ASXL3: variants seen among roughly 807,000 people sequenced by gnomAD.
ASXL3 encodes the protein ASXL transcriptional regulator 3, also known as putative Polycomb group protein ASXL3.
A neutral mutation model predicts 170.6 loss-of-function variants in ASXL3; 34 were observed. The ratio of observed to expected loss-of-function variants is 0.20; its 90% CI spans 0.15 to 0.27. The LOEUF (loss-of-function observed/expected upper bound fraction) is 0.27, where lower values mean the gene tolerates loss of function less well. Ranked by LOEUF, ASXL3 falls within the 10% of genes least tolerant of loss-of-function variation. The pLI is 1.00. For synonymous variants in ASXL3, 1,002 were observed against 989.1 expected (o/e 1.01, Z -0.24); for missense variants, 2,592 against 2,695.3 (o/e 0.96, Z 0.85).
At chr18:33,617,989 C>T (rs550312373) in intron 2 of ASXL3, among the ~76,000 whole-genome samples, 2 of 152,044 alleles carry the variant, frequency 1.3e-5, no homozygotes, top group African/African-American at 2.4e-5. Context: ...AATTGCCACA[C>T]GCCTGAATGA....
chr18:33,615,137 T>A (rs2065403052), intron 2 of ASXL3, among the ~76,000 whole-genome samples: 1 of 152,132 alleles, frequency 6.6e-6, no homozygotes, highest in African/African-American at 2.4e-5. Flanking sequence ...GAAGGCTGTT[T>A]TGTCTACATA....
chr18:33,597,826 A>G (rs2065144260), intron 1 of ASXL3, among the ~76,000 whole-genome samples: 1 of 152,050 alleles, frequency 6.6e-6, no homozygotes, highest in Admixed American at 6.6e-5. Flanking sequence ...CAAAAAACAA[A>G]CAAAACAAAT....
intron 8 of ASXL3, among the ~76,000 whole-genome samples, chr18:33,724,675 A>AGAT (rs2067318096): frequency 6.6e-6 from 1 of 152,296 alleles, no homozygotes; most frequent in East Asian, 1.9e-4. Flanking sequence ...TTAGCATATT[A>AGAT]GATAATACAG....
At position 33,661,721 on chromosome 18, in the gene ASXL3, A is replaced by G. The variant is rs571504715; in HGVS notation, c.461A>G (p.Lys154Arg). The G allele has an allele frequency of 1.9e-6, 3 of 1,612,904 alleles. No individual in the cohort carries two copies. Among genetic ancestry groups the G allele is most frequent in the African/African-American group, 1.3e-5 (1 of 74,990 alleles). ...GTGTCTTCCTTCCAGCAGCACACCA[A>G]AAAGGCTCTTAAACAGGTAAGATAG... is the stretch of plus-strand genomic sequence containing the variant. ...KLVSSFQQHT[K>R]KALKQALRQQ... The change falls in exon 5 of 12, where the codon AAA (lysine) becomes AGA (arginine). Residue 154 changes from lysine (K) to arginine (R), a missense_variant. Lys to Arg is a conservative substitution (Grantham distance 26, BLOSUM62 2). This residue lies in a region of ASXL3 where 251 missense variants were observed against 281.9 expected (regional missense o/e 0.89). Coordinates refer to ENST00000269197, the MANE Select transcript of ASXL3 (RefSeq NM_030632.3).
intron 7 of ASXL3, among the ~76,000 whole-genome samples, chr18:33,676,218 G>A (rs924301627): frequency 6.3e-4 from 21 of 33,540 alleles, no homozygotes; most frequent in African/African-American, 1.6e-3. Context: ...GCGAGACTCC[G>A]TCTCAAAAAA....
chr18:33,582,738 G>GTGTT (rs2065004536), intron 1 of ASXL3, among the ~76,000 whole-genome samples: 2 of 136,826 alleles, frequency 1.5e-5, no homozygotes, highest in African/African-American at 5.9e-5. Context: ...GTGTGTGTGT[G>GTGTT]TGTTTTCTTG....
At position 33,750,756 on chromosome 18, in the gene ASXL3, C is replaced by T. The variant is rs2067872293; in HGVS notation, c.*4161C>T. 1 of 152,294 alleles carries T rather than the reference C, an allele frequency of 6.6e-6. No individual in the cohort carries two copies. The highest frequency in any genetic ancestry group is 2.1e-4 in the South Asian group (1 of 4,828). The allele number at this position is 152,294 out of a possible 1,614,324, so 9.4% of individuals were successfully genotyped here. A position where few individuals can be genotyped will look rare whatever the true frequency, so the allele number is the denominator to read the frequency against. Reference sequence around the variant, plus strand: ...AACCTACATAGACATTTTATATCAGCATACAGAAAAGTAAAATCCTCCTTC... The same window carrying T: ...AACCTACATAGACATTTTATATCAGTATACAGAAAAGTAAAATCCTCCTTC... On this transcript the variant is annotated 3_prime_UTR_variant, in exon 12 of 12. Coordinates refer to ENST00000269197, the MANE Select transcript of ASXL3 (RefSeq NM_030632.3).
At chr18:33,632,049 A>T (rs577930054) in intron 2 of ASXL3, among the ~76,000 whole-genome samples, 2 of 152,170 alleles carry the variant, frequency 1.3e-5, no homozygotes, top group South Asian at 4.1e-4. Context: ...CTTTTCTTCA[A>T]TTTGCATTTA....
At chr18:33,597,680 C>G (rs1481725159) in intron 1 of ASXL3, among the ~76,000 whole-genome samples, 1 of 151,750 alleles carries the variant, frequency 6.6e-6, no homozygotes, top group Non-Finnish European at 1.5e-5. Flanking sequence ...TGGTGAAACA[C>G]TTGGACAAGG....
At chr18:33,709,314 A>C (rs902239081) in intron 8 of ASXL3, among the ~76,000 whole-genome samples, 2 of 151,304 alleles carry the variant, frequency 1.3e-5, no homozygotes, top group South Asian at 2.1e-4. Context: ...AAAAAAAAAA[A>C]CAACAAAAAC....
intron 8 of ASXL3, among the ~76,000 whole-genome samples, chr18:33,723,360 A>G (rs2067294265): frequency 1.3e-5 from 2 of 152,152 alleles, no homozygotes; most frequent in Admixed American, 1.3e-4. Context: ...CAAAATAGCA[A>G]CATTAACAGG....
intron 2 of ASXL3, chr18:33,609,203 A>G (rs978204755): frequency 6.1e-6 from 2 of 325,792 alleles, no homozygotes; most frequent in African/African-American, 4.5e-5. Flanking sequence ...CCTGTCAGTA[A>G]CCCTGGAAAT....
intron 7 of ASXL3, among the ~76,000 whole-genome samples, chr18:33,682,490 T>G (rs1171265909): frequency 6.6e-6 from 1 of 152,130 alleles, no homozygotes; most frequent in Non-Finnish European, 1.5e-5. Context: ...CAGTGTGCCT[T>G]GAGTTGTGGA....
At chr18:33,699,725 C>T (rs1256117537) in intron 8 of ASXL3, among the ~76,000 whole-genome samples, 1 of 152,024 alleles carries the variant, frequency 6.6e-6, no homozygotes, top group African/African-American at 2.4e-5. Context: ...AGCATTAGAT[C>T]TTCGAATTTC....
In ASXL3 at chr18:33,580,675, G is replaced by A. The variant is rs542502506; in HGVS notation, c.54+1990G>A. 3.9e-5 allele frequency among the ~76,000 whole-genome samples: 6 copies of A among 152,220 alleles called. 1 individual carries two copies. Among genetic ancestry groups the A allele is most frequent in the African/African-American group, 1.4e-4 (6 of 41,526 alleles). On this transcript the variant is annotated intron_variant, in intron 1 of 11. Transcript: ENST00000269197. ...ATCTGTATTGATATAATTTGAAAGA[G>A]ATTTCTAAGTCACAGGTTTTTGTTA... is the stretch of plus-strand genomic sequence containing the variant.
intron 2 of ASXL3, among the ~76,000 whole-genome samples, chr18:33,610,037 C>T (rs557134774): frequency 1.8e-4 from 28 of 152,028 alleles, no homozygotes; most frequent in African/African-American, 6.5e-4. Context: ...AATATACATA[C>T]CTAGCTTTTG....
intron 8 of ASXL3, among the ~76,000 whole-genome samples, chr18:33,692,339 G>T (rs2066699651): frequency 6.6e-6 from 1 of 152,092 alleles, no homozygotes; most frequent in African/African-American, 2.4e-5. Flanking sequence ...AGAGGAGGAG[G>T]AGTCCCAGAC....
chr18:33,738,493 C>T lies in ASXL3; in HGVS notation c.1089C>T (p.Gly363=), dbSNP rs576959579. 1 of 1,605,916 alleles carries T rather than the reference C, an allele frequency of 6.2e-7. No individual in the cohort carries two copies. The highest frequency in any genetic ancestry group is 1.3e-5 in the African/African-American group (1 of 74,664). Residue 363 remains glycine, a synonymous_variant, in exon 11 of 12, where the codon GGC becomes GGT. Transcript: ENST00000269197. The stretch of plus-strand genomic sequence containing the variant: ...ATTTCTAATTTCTGTACAGGCTGGG[C>T]ATGTCAAGAGAGGAATCTGTGAAGC... ...FFERFYGEKL[G]MSREESVKLT...
In ASXL3 at chr18:33,745,871, C is replaced by G; in HGVS notation, c.6023C>G (p.Thr2008Arg). ...EGDEVGGTAH[T>R]MPNKALVHPP... ...GATGAGGTGGGAGGCACTGCACACACAATGCCAAACAAAGCACTAGTACAT... is the reference window on the plus strand; with the variant it reads ...GATGAGGTGGGAGGCACTGCACACAGAATGCCAAACAAAGCACTAGTACAT... Residue 2008 changes from threonine to arginine, a missense_variant, in exon 12 of 12, where the codon ACA (threonine) becomes AGA (arginine). By Grantham distance (71) the Thr-to-Arg change is moderately conservative. Transcript: ENST00000269197. 3.1e-6 allele frequency: 5 copies of G among 1,613,716 alleles called. No homozygotes were observed. The highest frequency in any genetic ancestry group is 3.4e-6 in the Non-Finnish European group (4 of 1,179,882).
Sources: gnomAD v4.1 joint callset for allele counts (sites outside exome capture counted in the v4.1 genomes callset) on GRCh38, gnomAD v4.1.1 for gene constraint, gnomAD v4.1.1 regional missense constraint, MANE v1.5 for transcripts, NCBI Gene and HGNC (gene_info 2026-07-23, HGNC 2026-07-21) for gene names.